PCSK5: variants seen among roughly 807,000 people sequenced by gnomAD.
The protein encoded by PCSK5 is proprotein convertase subtilisin/kexin type 5.
Under a neutral mutation model 233.2 loss-of-function variants are expected in PCSK5, and 129 were observed. The observed-to-expected ratio is 0.55, with a 90% CI of 0.48 to 0.64. The LOEUF is 0.64. PCSK5 is among the 30% of genes least tolerant of loss of function. The pLI is 0.00. For missense variants in PCSK5, 2,076 were observed against 2,430.1 expected, an observed-to-expected ratio of 0.85 and a Z score of 3.06; for synonymous variants, 825 against 879.2, an observed-to-expected ratio of 0.94 and a Z score of 1.09.
At chr9:76,031,126 G>A (rs1828637484) in intron 5 of PCSK5, among the ~76,000 whole-genome samples, 1 of 152,122 alleles carries the variant, frequency 6.6e-6, no homozygotes, top group Non-Finnish European at 1.5e-5. Context: ...CTGACCAAGA[G>A]CATGTAGTCA....
At position 76,362,712 on chromosome 9, in the gene PCSK5, C is replaced by T. The variant is rs1830448807; in HGVS notation, c.*3790C>T. ...GTTAAAGATCGACCTCTGACCTAAC[C>T]GGTTATGTTATCTATAGATTCCAGA... On this transcript the variant is annotated 3_prime_UTR_variant, in exon 38 of 38. Transcript: ENST00000674117. Among the ~76,000 whole-genome samples, 1 of 152,230 alleles carries T rather than the reference C, an allele frequency of 6.6e-6. No individual in the cohort carries two copies. Among genetic ancestry groups the T allele is most frequent in the South Asian group, 2.1e-4 (1 of 4,832 alleles).
chr9:75,920,530 T>C (rs74388172), intron 1 of PCSK5, among the ~76,000 whole-genome samples: 2,603 of 152,134 alleles, frequency 0.017, 36 homozygotes, highest in South Asian at 0.034. Context: ...CAAGGCTGGG[T>C]GGTATGGGTC....
intron 34 of PCSK5, among the ~76,000 whole-genome samples, chr9:76,337,836 GT>G (rs1265230154): frequency 6.6e-6 from 1 of 150,806 alleles, no homozygotes; most frequent in East Asian, 1.9e-4. Context: ...ACCCATCTCT[GT>G]TTTAAAAAAA....
At chr9:75,988,409 A>C (rs554658699) in intron 3 of PCSK5, among the ~76,000 whole-genome samples, 49 of 151,786 alleles carry the variant, frequency 3.2e-4, no homozygotes, top group African/African-American at 1.2e-3. Flanking sequence ...TGCCTCCCAA[A>C]TAGCTGGGAC....
At chr9:76,245,179 A>G (rs1340540488) in intron 24 of PCSK5, among the ~76,000 whole-genome samples, 1 of 152,202 alleles carries the variant, frequency 6.6e-6, no homozygotes, top group Non-Finnish European at 1.5e-5. Flanking sequence ...TTTTAATCAA[A>G]TTACATAAGT....
chr9:75,965,740 T>C (rs1375285302), intron 2 of PCSK5, among the ~76,000 whole-genome samples: 1 of 152,188 alleles, frequency 6.6e-6, no homozygotes, highest in Non-Finnish European at 1.5e-5. Flanking sequence ...ATACTGCCTA[T>C]TGGTGACTTT....
chr9:75,984,857 G>A (rs11144709), intron 2 of PCSK5, among the ~76,000 whole-genome samples: 3,724 of 152,202 alleles, frequency 0.024, 161 homozygotes, highest in African/African-American at 0.085. Context: ...GAAAATGTAC[G>A]TGCAAACCCA....
chr9:76,119,584 C>T (rs1316474213), intron 9 of PCSK5, among the ~76,000 whole-genome samples: 1 of 152,090 alleles, frequency 6.6e-6, no homozygotes, highest in East Asian at 1.9e-4. Context: ...CCTATGTCAA[C>T]ATTTATTAAT....
intron 5 of PCSK5, among the ~76,000 whole-genome samples, chr9:76,060,805 A>G (rs964920089): frequency 3.9e-5 from 6 of 152,164 alleles, no homozygotes; most frequent in Non-Finnish European, 7.4e-5. Flanking sequence ...TAAATAATAG[A>G]ATACATAACA....
At chr9:76,080,695 A>T (rs570507341) in intron 7 of PCSK5, among the ~76,000 whole-genome samples, 4 of 152,316 alleles carry the variant, frequency 2.6e-5, no homozygotes, top group African/African-American at 7.2e-5. Context: ...CTCTCTGAGG[A>T]TCAGTTTGTT....
At chr9:75,899,652 AGG>A (rs1334509798) in intron 1 of PCSK5, among the ~76,000 whole-genome samples, 1 of 152,194 alleles carries the variant, frequency 6.6e-6, no homozygotes. Context: ...AGAAGATAGA[AGG>A]ACATGCTTAT....
intron 24 of PCSK5, among the ~76,000 whole-genome samples, chr9:76,284,811 C>T (rs1828010418): frequency 6.6e-6 from 1 of 152,068 alleles, no homozygotes; most frequent in Non-Finnish European, 1.5e-5. Flanking sequence ...GGATTACAGG[C>T]TTGAGCCACT....
At chr9:76,032,539 C>T (rs540035657) in intron 5 of PCSK5, among the ~76,000 whole-genome samples, 2 of 152,232 alleles carry the variant, frequency 1.3e-5, no homozygotes, top group South Asian at 2.1e-4. Flanking sequence ...ATCCCTTTCT[C>T]GTCACTTTTG....
At position 76,188,630 on chromosome 9, in the gene PCSK5, G is replaced by A. The variant is rs775597557; in HGVS notation, c.2335G>A (p.Gly779Ser). 6.2e-6 allele frequency: 10 copies of A among 1,613,674 alleles called. No homozygotes were observed. Among genetic ancestry groups the A allele is most frequent in the South Asian group, 2.2e-5 (2 of 91,070 alleles). The change falls in exon 18 of 38, where the codon GGC (glycine) becomes AGC (serine). Residue 779 changes from glycine to serine, a missense_variant. Gly to Ser is a moderately conservative substitution (Grantham distance 56). Coordinates refer to ENST00000674117, the MANE Select transcript of PCSK5 (RefSeq NM_001372043.1). Reference protein sequence around the residue: ...VSCEDGRYFNGQDCQPCHRFC... With the variant: ...VSCEDGRYFNSQDCQPCHRFC... ...CTGTGAAGATGGACGGTATTTCAAC[G>A]GCCAGGACTGCCAGCCCTGCCACCG...
chr9:76,167,002 A>C (rs748315153), intron 12 of PCSK5, among the ~76,000 whole-genome samples: 1 of 152,224 alleles, frequency 6.6e-6, no homozygotes, highest in Non-Finnish European at 1.5e-5. Flanking sequence ...TCTAGTCTTA[A>C]GCCATAAACT....
At chr9:76,345,585 A>T (rs1471854130) in intron 35 of PCSK5, among the ~76,000 whole-genome samples, 1 of 151,208 alleles carries the variant, frequency 6.6e-6, no homozygotes, top group Non-Finnish European at 1.5e-5. Flanking sequence ...CGACCTGCTA[A>T]TTTTTTTTAA....
intron 2 of PCSK5, among the ~76,000 whole-genome samples, chr9:75,980,841 T>G (rs1826245583): frequency 6.6e-6 from 1 of 152,142 alleles, no homozygotes; most frequent in Non-Finnish European, 1.5e-5. Context: ...TAGAGCTTCT[T>G]GGAGCCACAT....
chr9:75,978,889 T>C (rs2066187), intron 2 of PCSK5, among the ~76,000 whole-genome samples: 1,712 of 149,244 alleles, frequency 0.011, 34 homozygotes, highest in South Asian at 0.045. Flanking sequence ...TCTTTTTTTC[T>C]GAGATGGAAT....
intron 5 of PCSK5, among the ~76,000 whole-genome samples, chr9:76,056,799 C>A (rs1233139403): frequency 2.0e-5 from 3 of 152,042 alleles, no homozygotes; most frequent in Non-Finnish European, 2.9e-5. Context: ...CAATAAGAGG[C>A]ATTTTTTTTA....
Sources: gnomAD v4.1 joint callset for allele counts (sites outside exome capture counted in the v4.1 genomes callset) on GRCh38, gnomAD v4.1.1 for gene constraint, MANE v1.5 for transcripts, NCBI Gene and HGNC (gene_info 2026-07-23, HGNC 2026-07-21) for gene names.